Variants in GPC5 observed in about 807,000 individuals in gnomAD.
GPC5 encodes glypican-5.
Under a neutral mutation model 53.9 loss-of-function variants are expected in GPC5, and 47 were observed. That is an observed-to-expected ratio of 0.87 (90% CI 0.69 to 1.11). GPC5 has a LOEUF of 1.11. Ranked by LOEUF, GPC5 falls within the 50% of genes most tolerant of loss-of-function variation. The pLI is 0.00. For missense variants in GPC5, 748 were observed against 713.1 expected (o/e 1.05, Z -0.56); for synonymous variants, 286 against 263.3 (o/e 1.09, Z -0.84).
intron 2 of GPC5, among the ~76,000 whole-genome samples, chr13:91,634,423 G>A (rs1014024723): frequency 6.6e-6 from 1 of 151,946 alleles, no homozygotes; most frequent in African/African-American, 2.4e-5. Flanking sequence ...GTCGATTTGT[G>A]AAAGAACAGT....
intron 7 of GPC5, among the ~76,000 whole-genome samples, chr13:92,270,339 C>T (rs1354363952): frequency 6.6e-6 from 1 of 152,120 alleles, no homozygotes; most frequent in Non-Finnish European, 1.5e-5. Flanking sequence ...GGATTTCCCC[C>T]TCCATGCCGC....
At chr13:91,481,312 G>A (rs1351103797) in intron 2 of GPC5, among the ~76,000 whole-genome samples, 1 of 152,034 alleles carries the variant, frequency 6.6e-6, no homozygotes, top group Non-Finnish European at 1.5e-5. Flanking sequence ...CATTGTGCAG[G>A]CATCTTATAT....
At chr13:92,591,934 C>G (rs1883725627) in intron 7 of GPC5, among the ~76,000 whole-genome samples, 1 of 152,254 alleles carries the variant, frequency 6.6e-6, no homozygotes, top group East Asian at 1.9e-4. Flanking sequence ...TTCACCCAAG[C>G]CATTGACCTG....
chr13:92,207,584 A>G (rs900026102), intron 7 of GPC5, among the ~76,000 whole-genome samples: 1 of 152,238 alleles, frequency 6.6e-6, no homozygotes, highest in African/African-American at 2.4e-5. Flanking sequence ...CTGTCTATTG[A>G]GAAACCTCAC....
chr13:92,014,639 T>C (rs1208665309), intron 6 of GPC5, among the ~76,000 whole-genome samples: 1 of 152,194 alleles, frequency 6.6e-6, no homozygotes, highest in Non-Finnish European at 1.5e-5. Flanking sequence ...ATTAATTTTC[T>C]AGAGTGTGTT....
chr13:92,356,842 G>A (rs2043526434), intron 7 of GPC5, among the ~76,000 whole-genome samples: 1 of 152,108 alleles, frequency 6.6e-6, no homozygotes, highest in South Asian at 2.1e-4. Context: ...GTAGTTATTT[G>A]TTTGATACTC....
intron 7 of GPC5, among the ~76,000 whole-genome samples, chr13:92,257,546 A>ATTTTTTTTTTTTTTTTTTTT (rs398023955): frequency 0.013 from 977 of 72,842 alleles, 259 homozygotes; most frequent in African/African-American, 0.021. Flanking sequence ...TAATACAGGG[A>ATTTTTTTTTTTTTTTTTTTT]TTTTTTTTTT....
chr13:92,167,827 A>C (rs1011591413), intron 7 of GPC5, among the ~76,000 whole-genome samples: 2 of 151,638 alleles, frequency 1.3e-5, no homozygotes, highest in African/African-American at 4.9e-5. Flanking sequence ...GCTCAATTTA[A>C]TTTTACTCAT....
intron 6 of GPC5, among the ~76,000 whole-genome samples, chr13:92,028,078 C>T (rs1474368930): frequency 6.6e-6 from 1 of 152,148 alleles, no homozygotes; most frequent in East Asian, 1.9e-4. Flanking sequence ...CTACAGACTG[C>T]TGGTGGATTC....
chr13:92,627,467 C>T (rs1411221827), intron 7 of GPC5, among the ~76,000 whole-genome samples: 1 of 152,170 alleles, frequency 6.6e-6, no homozygotes, highest in Non-Finnish European at 1.5e-5. Context: ...GGTAAAATCA[C>T]ATACATGCAG....
chr13:92,183,034 AC>A (rs565941582), intron 7 of GPC5, among the ~76,000 whole-genome samples: 1 of 152,222 alleles, frequency 6.6e-6, no homozygotes, highest in Admixed American at 6.5e-5. Context: ...TATGATATAT[AC>A]TAGTATGTAC....
intron 2 of GPC5, among the ~76,000 whole-genome samples, chr13:91,502,145 G>A (rs893781951): frequency 6.6e-6 from 1 of 151,822 alleles, no homozygotes; most frequent in African/African-American, 2.4e-5. Context: ...CTGGATATTA[G>A]CCCTTTGTCA....
At chr13:92,435,049 GGACT>G (rs1241412834) in intron 7 of GPC5, among the ~76,000 whole-genome samples, 3 of 152,076 alleles carry the variant, frequency 2.0e-5, no homozygotes, top group African/African-American at 7.2e-5. Flanking sequence ...TGAGTTGCTT[GGACT>G]ACAGGTGCAT....
chr13:91,944,262 A>AT (rs1057368584), intron 6 of GPC5, among the ~76,000 whole-genome samples: 5 of 151,554 alleles, frequency 3.3e-5, no homozygotes, highest in Admixed American at 1.3e-4. Flanking sequence ...CGCCCAGCTA[A>AT]TTTTTTTGTA....
At chr13:92,595,417 C>A (rs1476968352) in intron 7 of GPC5, among the ~76,000 whole-genome samples, 1 of 152,120 alleles carries the variant, frequency 6.6e-6, no homozygotes, top group Non-Finnish European at 1.5e-5. Flanking sequence ...TAAGAGTCGC[C>A]TACCATATGT....
intron 7 of GPC5, among the ~76,000 whole-genome samples, chr13:92,228,970 C>T (rs1019473752): frequency 6.6e-6 from 1 of 151,902 alleles, no homozygotes; most frequent in Non-Finnish European, 1.5e-5. Context: ...ATATATATCA[C>T]AAGAATGATA....
At chr13:92,249,566 CTT>C (rs2042677310) in intron 7 of GPC5, among the ~76,000 whole-genome samples, 1 of 151,980 alleles carries the variant, frequency 6.6e-6, no homozygotes, top group Non-Finnish European at 1.5e-5. Flanking sequence ...CCTACTGTCA[CTT>C]TTCTTTTCTT....
intron 5 of GPC5, among the ~76,000 whole-genome samples, chr13:91,896,657 T>C (rs1375056631): frequency 6.6e-6 from 1 of 152,212 alleles, no homozygotes; most frequent in African/African-American, 2.4e-5. Context: ...CTAGGTCATC[T>C]AGACCGGAAA....
chr13:91,459,432 T>A (rs1881785381), intron 2 of GPC5, among the ~76,000 whole-genome samples: 1 of 152,082 alleles, frequency 6.6e-6, no homozygotes, highest in Non-Finnish European at 1.5e-5. Context: ...AGCTTCTATA[T>A]CTCTTATGAT....
Sources: allele counts gnomAD v4.1 joint callset (sites outside exome capture counted in the v4.1 genomes callset), GRCh38; gene constraint gnomAD v4.1.1; transcripts MANE v1.5; gene names NCBI Gene and HGNC (gene_info 2026-07-23, HGNC 2026-07-21).